The following PSMD12 variants were observed in gnomAD, a reference collection of about 807,000 sequenced individuals.
PSMD12 encodes the protein proteasome 26S subunit, non-ATPase 12.
In PSMD12, 8 loss-of-function variants were observed where a neutral mutation model predicts 62.9. That is an observed-to-expected ratio of 0.13 (90% CI 0.07 to 0.23). The LOEUF is 0.23. PSMD12 is among the 10% of genes least tolerant of loss of function. The probability of loss-of-function intolerance (pLI) is 1.00; values close to 1 mark genes in which losing one functional copy is unlikely to be tolerated. For synonymous variants in PSMD12, 173 were observed against 187.4 expected (o/e 0.92, Z 0.63); for missense variants, 424 against 550.2 (o/e 0.77, Z 2.29).
chr17:67,356,144 T>C (rs2042069133), intron 3 of PSMD12, among the ~76,000 whole-genome samples: 1 of 152,008 alleles, frequency 6.6e-6, no homozygotes, highest in Non-Finnish European at 1.5e-5. Context: ...ATCTTAGTAT[T>C]TGTTTAAGTC....
rs780770957 is a variant in PSMD12 at position 67,351,528 on chromosome 17, C to T, written c.298-1192G>A. Among the ~76,000 whole-genome samples, 21 of 151,634 alleles carry T rather than the reference C, an allele frequency of 1.4e-4. 1 individual carries two copies. Among genetic ancestry groups the T allele is most frequent in the South Asian group, 8.3e-4 (4 of 4,818 alleles). On this transcript the variant is annotated intron_variant, in intron 3 of 10. Transcript: ENST00000356126. ...ATAGAATATCTTAGAAAGATTTCCA[C>T]GAAAAACATTTAATGTTTAAGCAGC...
intron 1 of PSMD12, among the ~76,000 whole-genome samples, chr17:67,362,196 G>A (rs1200682505): frequency 6.6e-6 from 1 of 152,298 alleles, no homozygotes; most frequent in East Asian, 1.9e-4. Flanking sequence ...GAAACCCTCA[G>A]TATATTAAGA....
At chr17:67,354,478 G>A (rs1245263990) in intron 3 of PSMD12, among the ~76,000 whole-genome samples, 9 of 151,834 alleles carry the variant, frequency 5.9e-5, no homozygotes, top group African/African-American at 2.2e-4. Context: ...TATGGCATGA[G>A]AAATTAAAGT....
intron 1 of PSMD12, among the ~76,000 whole-genome samples, chr17:67,366,164 G>A (rs895547585): frequency 5.3e-5 from 8 of 152,200 alleles, no homozygotes; most frequent in African/African-American, 1.9e-4. Context: ...AAAGTTAAAC[G>A]GAGCCCTAAG....
At chr17:67,356,000 ACACACACACG>A (rs911467641) in intron 3 of PSMD12, among the ~76,000 whole-genome samples, 3 of 150,850 alleles carry the variant, frequency 2.0e-5, no homozygotes, top group African/African-American at 7.3e-5. Context: ...ACACACACAC[ACACACACACG>A]CACACACACA....
intron 1 of PSMD12, among the ~76,000 whole-genome samples, chr17:67,361,637 C>A (rs1598579364): frequency 1.3e-5 from 2 of 152,086 alleles, no homozygotes; most frequent in African/African-American, 4.8e-5. Context: ...ACTCCCCCTA[C>A]ATAGTCCAAC....
In PSMD12 at chr17:67,344,651, T is replaced by C; in HGVS notation, c.1038A>G (p.Glu346=). Residue 346 remains glutamate, a synonymous_variant, in exon 9 of 11, where the codon GAA becomes GAG. Coordinates refer to ENST00000356126, the MANE Select transcript of PSMD12 (RefSeq NM_002816.5). ...TCAAGTCTTTCCACCTTTTTTCACC[T>C]TCCTCTGTAGAACCAAAAACATCCG... is the stretch of plus-strand genomic sequence containing the variant. ...PATDVFGSTE[E]GEKRWKDLKN... is the part of the protein sequence containing the mutation. The C allele has an allele frequency of 6.2e-7, 1 of 1,612,896 alleles. No individual in the cohort carries two copies. Among genetic ancestry groups the C allele is most frequent in the African/African-American group, 1.3e-5 (1 of 75,044 alleles).
intron 9 of PSMD12, among the ~76,000 whole-genome samples, chr17:67,344,237 G>C (rs2041942392): frequency 6.6e-6 from 1 of 152,136 alleles, no homozygotes; most frequent in Non-Finnish European, 1.5e-5. Context: ...CGGAAATTCT[G>C]TCTGGTTTAT....
intron 10 of PSMD12, among the ~76,000 whole-genome samples, chr17:67,341,946 CTT>C (rs1032992138): frequency 6.6e-6 from 1 of 152,172 alleles, no homozygotes; most frequent in African/African-American, 2.4e-5. Flanking sequence ...GTTAACTCCT[CTT>C]TGTGTGCTAT....
intron 9 of PSMD12, among the ~76,000 whole-genome samples, chr17:67,343,242 T>G (rs183087284): frequency 6.6e-6 from 1 of 152,310 alleles, no homozygotes; most frequent in African/African-American, 2.4e-5. Flanking sequence ...AGAAGCATTC[T>G]TCTCTGTGCT....
chr17:67,362,559 C>T (rs534529989), intron 1 of PSMD12, among the ~76,000 whole-genome samples: 67 of 138,702 alleles, frequency 4.8e-4, no homozygotes, highest in African/African-American at 1.4e-3. Flanking sequence ...CTACTGGGGA[C>T]GCCGAGGCAG....
chr17:67,350,523 T>C (rs1040784371), intron 3 of PSMD12, among the ~76,000 whole-genome samples, 187 bp from the exon 4 acceptor site: 1 of 152,088 alleles, frequency 6.6e-6, no homozygotes, highest in East Asian at 1.9e-4. Context: ...CCGTAACAAG[T>C]CAGTAAAGGT....
chr17:67,348,739 T>C (rs62086004), intron 4 of PSMD12, 85 bp from the exon 5 acceptor site: 25,568 of 1,152,944 alleles, frequency 0.022, 405 homozygotes, highest in Non-Finnish European at 0.026. Context: ...GGCTCACACC[T>C]GTAATCCTGA....
At chr17:67,364,555 T>C (rs1471310996) in intron 1 of PSMD12, among the ~76,000 whole-genome samples, 1 of 152,182 alleles carries the variant, frequency 6.6e-6, no homozygotes, top group African/African-American at 2.4e-5. Flanking sequence ...TTAACAGAAA[T>C]TCATAAAAGG....
intron 3 of PSMD12, among the ~76,000 whole-genome samples, chr17:67,354,398 T>G (rs1368246258): frequency 6.7e-6 from 1 of 149,346 alleles, no homozygotes; most frequent in African/African-American, 2.5e-5. Flanking sequence ...CGACAGAGAC[T>G]GTTTCAAAAA....
At chr17:67,357,143 C>G in intron 3 of PSMD12, 160 bp downstream of exon 3, 1 of 720,050 alleles carries the variant, frequency 1.4e-6, no homozygotes, top group Non-Finnish European at 2.1e-6. Flanking sequence ...AAACAGAAAA[C>G]AGTCATATCA....
intron 8 of PSMD12, 196 bp downstream of exon 8, chr17:67,345,549 G>GT (rs986511714): frequency 1.9e-6 from 1 of 522,050 alleles, no homozygotes; most frequent in African/African-American, 1.9e-5. Flanking sequence ...GGTTGAGGCA[G>GT]AAGAATCACT....
intron 1 of PSMD12, among the ~76,000 whole-genome samples, chr17:67,361,518 G>A (rs982170065): frequency 6.6e-6 from 1 of 152,094 alleles, no homozygotes; most frequent in African/African-American, 2.4e-5. Context: ...GGAACGGGAG[G>A]TTGCAGTGAG....
In PSMD12 at chr17:67,359,525, C is replaced by T. The variant is rs143278391; in HGVS notation, c.109-1947G>A. Among the ~76,000 whole-genome samples the T allele has an allele frequency of 7.2e-3, 1,098 of 152,146 alleles. 13 individuals are homozygous for T. Among genetic ancestry groups the T allele is most frequent in the African/African-American group, 0.024 (1,016 of 41,494 alleles). ...AACATTCATGGATGATACGTGAGTA[C>T]TATCCTTTTCTACTGATGAAAGAAA... On this transcript the variant is annotated intron_variant, in intron 1 of 10. Transcript: ENST00000356126.
Sources: allele counts gnomAD v4.1 joint callset (sites outside exome capture counted in the v4.1 genomes callset), GRCh38; gene constraint gnomAD v4.1.1; transcripts MANE v1.5; gene names NCBI Gene and HGNC (gene_info 2026-07-23, HGNC 2026-07-21).